Variants in VDR observed in about 807,000 individuals in gnomAD.
The protein encoded by VDR is vitamin D receptor.
Under a neutral mutation model 39.7 loss-of-function variants are expected in VDR, and 19 were observed. That is an observed-to-expected ratio of 0.48 (90% CI 0.33 to 0.70). The LOEUF (loss-of-function observed/expected upper bound fraction) is 0.70. Ranked by LOEUF, VDR falls within the 30% of genes least tolerant of loss-of-function variation. The pLI, the probability that VDR is intolerant of heterozygous loss-of-function variation, is 0.02. For missense variants in VDR, 442 were observed against 570.5 expected (o/e 0.77, Z 2.29); for synonymous variants, 242 against 215.8 (o/e 1.12, Z -1.07).
intron 3 of VDR, among the ~76,000 whole-genome samples, chr12:47,875,049 C>T (rs1352359090): frequency 1.3e-5 from 2 of 152,140 alleles, no homozygotes; most frequent in Non-Finnish European, 2.9e-5. Flanking sequence ...TCCAGAATAA[C>T]AGGAAGCACA....
At chr12:47,903,162 C>G (rs1041508161) in intron 1 of VDR, among the ~76,000 whole-genome samples, 2 of 152,202 alleles carry the variant, frequency 1.3e-5, no homozygotes, top group Non-Finnish European at 2.9e-5. Flanking sequence ...TTTCTTACCC[C>G]ATTTTCTAGT....
chr12:47,891,785 C>T (rs1435214752), intron 1 of VDR, among the ~76,000 whole-genome samples: 1 of 152,206 alleles, frequency 6.6e-6, no homozygotes, highest in Non-Finnish European at 1.5e-5. Context: ...CCCCCATCAT[C>T]AAGTGCTGAT....
intron 3 of VDR, among the ~76,000 whole-genome samples, chr12:47,871,119 T>TA (rs1945847028): frequency 1.3e-5 from 2 of 152,186 alleles, no homozygotes; most frequent in South Asian, 4.1e-4. Context: ...CGAAGCATGT[T>TA]AAACACACAG....
At position 47,846,342 on chromosome 12, in the gene VDR, G is replaced by A; in HGVS notation, c.1017C>T (p.Val339=). 6.2e-7 allele frequency: 1 copy of A among 1,607,392 alleles called. No individual in the cohort carries two copies. Among genetic ancestry groups the A allele is most frequent in the Admixed American group, 1.7e-5 (1 of 59,592 alleles). The part of the protein sequence containing the change: ...EHVLLMAICI[V]SPDRPGVQDA... ...CCCTGCCTGGCCCCATACCTGGGGA[G>A]ACGATGCAGATGGCCATGAGCAGGA... Residue 339 remains valine (V), a synonymous_variant, in exon 9 of 10, where the codon GTC becomes GTT. Coordinates refer to ENST00000549336, the MANE Select transcript of VDR (RefSeq NM_000376.3).
At position 47,844,720 on chromosome 12, in the gene VDR, C is replaced by T. The variant is rs1945240444; in HGVS notation, c.*26G>A. ...CGTGGCCCTGGAGGAGCAGCCCCAC[C>T]CAGGCACCGCCACAGGCTGTCCTAG... is the stretch of plus-strand genomic sequence containing the variant. On this transcript the variant is annotated 3_prime_UTR_variant, in exon 10 of 10. Transcript: ENST00000549336. 6.2e-7 allele frequency: 1 copy of T among 1,613,556 alleles called. No homozygotes were observed. Among genetic ancestry groups the T allele is most frequent in the Non-Finnish European group, 8.5e-7 (1 of 1,179,920 alleles).
chr12:47,858,603 G>T (rs1945546128), intron 4 of VDR, among the ~76,000 whole-genome samples: 1 of 152,266 alleles, frequency 6.6e-6, no homozygotes, highest in Non-Finnish European at 1.5e-5. Context: ...GGGGGTGGAG[G>T]GGATGCTGGG....
chr12:47,895,559 T>C (rs899899658), intron 1 of VDR, among the ~76,000 whole-genome samples: 2 of 152,162 alleles, frequency 1.3e-5, no homozygotes, highest in African/African-American at 4.8e-5. Flanking sequence ...AGTAAGGAAT[T>C]CTACAGGAAC....
chr12:47,865,738 G>A (rs1394338782), intron 3 of VDR, among the ~76,000 whole-genome samples: 16 of 137,972 alleles, frequency 1.2e-4, no homozygotes, highest in African/African-American at 4.4e-4. Context: ...TTTTTGAGAC[G>A]GAGTTTTGCT....
At position 47,882,987 on chromosome 12, in the gene VDR, C is replaced by G. The variant is rs868175342; in HGVS notation, c.-83-213G>C. On this transcript the variant is annotated intron_variant, in intron 1 of 9. Coordinates refer to ENST00000549336, the MANE Select transcript of VDR (RefSeq NM_000376.3). ...TGGGCAGCAGCCAGGATGGCCCTCC[C>G]TCGAGGCAGGGAGTAGCAGGAGCAG... 5.8e-6 allele frequency: 3 copies of G among 515,486 alleles called. No homozygotes were observed. The African/African-American group carries it at 6.0e-5, about 10-fold the overall frequency. The allele number at this position is 515,486 out of a possible 1,614,324, so 31.9% of individuals were successfully genotyped here.
intron 4 of VDR, among the ~76,000 whole-genome samples, chr12:47,859,863 TTCTTTCC>T (rs1458372764): frequency 1.3e-4 from 5 of 39,758 alleles, no homozygotes; most frequent in Admixed American, 7.3e-4. Context: ...CCTTCCTTCC[TTCTTTCC>T]TTCCTTCCTT....
At chr12:47,868,877 T>G (rs574401928) in intron 3 of VDR, among the ~76,000 whole-genome samples, 1 of 152,238 alleles carries the variant, frequency 6.6e-6, no homozygotes, top group East Asian at 1.9e-4. Flanking sequence ...CTGTTAAGCC[T>G]GCAAGGCCAT....
In VDR at chr12:47,844,774, A is replaced by T; in HGVS notation, c.1256T>A (p.Leu419His). 1 of 1,614,092 alleles carries T rather than the reference A, an allele frequency of 6.2e-7. No individual in the cohort carries two copies. Among genetic ancestry groups the T allele is most frequent in the Non-Finnish European group, 8.5e-7 (1 of 1,179,978 alleles). Residue 419 changes from leucine (L) to histidine (H), a missense_variant, in exon 10 of 10, where the codon CTC becomes CAC. Transcript: ENST00000549336. ...ECSMKLTPLV[L>H]EVFGNEIS ...GGAGATCTCATTGCCAAACACTTCG[A>T]GCACAAGGGGCGTTAGCTTCATGCT...
At chr12:47,904,562 AC>A in intron 1 of VDR, 1 of 1,534,436 alleles carries the variant, frequency 6.5e-7, no homozygotes, top group Admixed American at 2.0e-5. Context: ...AAGGTTACAC[AC>A]CCTCCACTCC....
In VDR at chr12:47,904,979, GC is replaced by G. The variant is rs1946644158; in HGVS notation, c.-109del. ...CCTGGTCCGGCCGGCGGGTGGACAA[GC>G]TGTTCCGCGCTCCCGGCGCACACGG... On this transcript the variant is annotated 5_prime_UTR_variant, in exon 1 of 10. Coordinates refer to ENST00000549336, the MANE Select transcript of VDR (RefSeq NM_000376.3). The G allele has an allele frequency of 5.6e-6, 1 of 178,932 alleles. No individual in the cohort carries two copies. The allele number at this position is 178,932 out of a possible 1,614,324, so 11.1% of individuals were successfully genotyped here.
At chr12:47,864,552 A>G (rs11574068) in intron 4 of VDR, among the ~76,000 whole-genome samples, 3 of 152,194 alleles carry the variant, frequency 2.0e-5, no homozygotes, top group Admixed American at 2.0e-4. Context: ...CAGAACGTGG[A>G]TGCCAACTAT....
intron 1 of VDR, among the ~76,000 whole-genome samples, chr12:47,889,451 G>A (rs1345276226): frequency 6.6e-6 from 1 of 152,104 alleles, no homozygotes; most frequent in African/African-American, 2.4e-5. Flanking sequence ...AATGTTGCTA[G>A]GATCACCCAC....
intron 7 of VDR, among the ~76,000 whole-genome samples, chr12:47,849,063 G>C (rs1565608633): frequency 6.6e-6 from 1 of 152,202 alleles, no homozygotes; most frequent in Non-Finnish European, 1.5e-5. Flanking sequence ...GCGAGGAAAA[G>C]GCAGGGCTCA....
chr12:47,904,484 AAAAT>A, intron 1 of VDR: 2 of 1,006,510 alleles, frequency 2.0e-6, no homozygotes, highest in Non-Finnish European at 2.7e-6. Context: ...AAAAAAAAAA[AAAAT>A]TACTTAAAAG....
At chr12:47,857,373 G>A in intron 5 of VDR, 124 bp from the exon 6 acceptor site, 2 of 1,602,448 alleles carry the variant, frequency 1.2e-6, no homozygotes, top group Non-Finnish European at 1.7e-6. Flanking sequence ...CAGTGCCAGG[G>A]GCAGAGCAGC....
Sources: allele counts gnomAD v4.1 joint callset (sites outside exome capture counted in the v4.1 genomes callset), GRCh38; gene constraint gnomAD v4.1.1; transcripts MANE v1.5; gene names NCBI Gene and HGNC (gene_info 2026-07-23, HGNC 2026-07-21).